The following CELSR1 variants were observed in gnomAD, a reference collection of about 807,000 sequenced individuals.
CELSR1 encodes the protein cadherin EGF LAG seven-pass G-type receptor 1.
In CELSR1, 110 loss-of-function variants were observed where a neutral mutation model predicts 249.1. The observed-to-expected ratio is 0.44, with a 90% confidence interval of 0.38 to 0.52. The LOEUF (loss-of-function observed/expected upper bound fraction) is 0.52, where lower values mean the gene tolerates loss of function less well. Among genes scored for constraint, CELSR1 ranks in the 20% least tolerant of loss-of-function variants. The pLI is 0.00. For missense variants in CELSR1, 4,109 were observed against 4,296.4 expected, an observed-to-expected ratio of 0.96 and a Z score of 1.22; for synonymous variants, 2,113 against 1,900.0, an observed-to-expected ratio of 1.11 and a Z score of -2.92.
intron 1 of CELSR1, among the ~76,000 whole-genome samples, chr22:46,495,126 G>C (rs1321044166): frequency 6.6e-6 from 1 of 152,084 alleles, no homozygotes; most frequent in Non-Finnish European, 1.5e-5. Flanking sequence ...CCTAGGCTTA[G>C]ACCCAGCTGG....
At chr22:46,501,006 A>T (rs566599040) in intron 1 of CELSR1, among the ~76,000 whole-genome samples, 2 of 150,130 alleles carry the variant, frequency 1.3e-5, no homozygotes, top group Non-Finnish European at 2.9e-5. Context: ...TTATTTATTT[A>T]TTTATTTTAT....
Position 46,464,233 on chromosome 22 carries a change from G to A in CELSR1, c.3657C>T (p.Phe1219=), listed in dbSNP as rs369760533. ...VRLENMSQEK[F]LSPLLALFVE... ...CGAAGAGGGCCAGCAGCGGGGACAG[G>A]AACTTCTCCTGGGACATGTTCTCCA... Residue 1219 remains phenylalanine, a synonymous_variant, in exon 2 of 35, where the codon TTC becomes TTT. Coordinates refer to ENST00000674500, the MANE Select transcript of CELSR1 (RefSeq NM_001378328.1). This position sits in a 1 kb window ranked among gnomAD's most constrained non-coding sequence, Gnocchi z 8.5. 44 of 1,613,664 alleles carry A rather than the reference G, an allele frequency of 2.7e-5. No homozygotes were observed. Among genetic ancestry groups the A allele is most frequent in the Non-Finnish European group, 3.7e-5 (44 of 1,180,040 alleles).
Position 46,526,837 on chromosome 22 carries a change from GCACA to G in CELSR1, c.3544+6786_3544+6789del, listed in dbSNP as rs1215610239. On this transcript the variant is annotated intron_variant, in intron 1 of 34. Transcript: ENST00000674500. The surrounding 1 kb of genome is among the most constrained non-coding windows in gnomAD (Gnocchi z 4.7). ...GAGCTGGTCTCCCCAGTCTGGACCT[GCACA>G]CACAATCAACTTCAGGACACTCTCA... Among the ~76,000 whole-genome samples the G allele has an allele frequency of 6.6e-6, 1 of 152,180 alleles. No homozygotes were observed. Among genetic ancestry groups the G allele is most frequent in the Non-Finnish European group, 1.5e-5 (1 of 68,034 alleles).
rs1018053433 is a variant in CELSR1, at chr22:46,408,509, A to G, written c.5226+487T>C. ...ACCAAGCCTGGCTAATTTTTTTTGT[A>G]TTTTTAGTAGAGATGGGGTTTCACC... is the stretch of plus-strand genomic sequence containing the variant. On this transcript the variant is annotated intron_variant, in intron 9 of 34. Transcript: ENST00000674500. The surrounding 1 kb of genome is among the most constrained non-coding windows in gnomAD (Gnocchi z 4.6). Among the ~76,000 whole-genome samples, 8 of 151,956 alleles carry G rather than the reference A, an allele frequency of 5.3e-5. No homozygotes were observed. The highest frequency in any genetic ancestry group is 2.0e-4 in the Admixed American group (3 of 15,270).
At chr22:46,385,753 C>T (rs2147234140) in intron 19 of CELSR1, among the ~76,000 whole-genome samples, 1 of 151,200 alleles carries the variant, frequency 6.6e-6, no homozygotes, top group African/African-American at 2.4e-5. Context: ...TCTCGGCTCA[C>T]TGCAAGCTCC....
rs1261596581 is a variant in CELSR1 at position 46,454,337 on chromosome 22, C to T, written c.4183+9370G>A. 6.6e-6 allele frequency among the ~76,000 whole-genome samples: 1 copy of T among 152,178 alleles called. No homozygotes were observed. The highest frequency in any genetic ancestry group is 1.5e-5 in the Non-Finnish European group (1 of 68,030). ...TCGTGTGTGGAAATGTTACAGCGGC[C>T]ACAGGAGACTCGTGCAGGGGTGAGC... is the stretch of plus-strand genomic sequence containing the variant. On this transcript the variant is annotated intron_variant, in intron 2 of 34. Coordinates refer to ENST00000674500, the MANE Select transcript of CELSR1 (RefSeq NM_001378328.1). This position sits in a 1 kb window ranked among gnomAD's most constrained non-coding sequence, Gnocchi z 5.1.
intron 13 of CELSR1, 27 bp from the exon 14 acceptor site, chr22:46,394,289 G>A (rs200068002): frequency 1.2e-6 from 2 of 1,605,352 alleles, no homozygotes; most frequent in Non-Finnish European, 1.7e-6. Context: ...AGGGCAGCTG[G>A]AAGGTTTATG....
chr22:46,508,094 G>T (rs1353789986), intron 1 of CELSR1, among the ~76,000 whole-genome samples: 1 of 152,078 alleles, frequency 6.6e-6, no homozygotes, highest in African/African-American at 2.4e-5. Flanking sequence ...CCATAAACCG[G>T]CACAGCCTGT....
chr22:46,463,409 G>C (rs769907556), intron 2 of CELSR1, among the ~76,000 whole-genome samples: 1 of 152,136 alleles, frequency 6.6e-6, no homozygotes, highest in Non-Finnish European at 1.5e-5. Flanking sequence ...CCAGCTACTC[G>C]GGAGGCTGAG....
At chr22:46,491,504 C>A (rs540025689) in intron 1 of CELSR1, among the ~76,000 whole-genome samples, 4 of 151,830 alleles carry the variant, frequency 2.6e-5, no homozygotes, top group African/African-American at 9.7e-5. Flanking sequence ...ACCTTGTGAT[C>A]TGCCCACTTC....
chr22:46,490,679 G>T lies in CELSR1; in HGVS notation c.3545-26334C>A, dbSNP rs2080358916. ...GCGCCACAGCTGCAGACTCAGGAAA[G>T]TGGTGGGTGTGCGGGGACACTTTAA... On this transcript the variant is annotated intron_variant, in intron 1 of 34. Coordinates refer to ENST00000674500, the MANE Select transcript of CELSR1 (RefSeq NM_001378328.1). This position sits in a 1 kb window ranked among gnomAD's most constrained non-coding sequence, Gnocchi z 5.2. 6.6e-6 allele frequency among the ~76,000 whole-genome samples: 1 copy of T among 152,084 alleles called. No homozygotes were observed. The highest frequency in any genetic ancestry group is 2.4e-5 in the African/African-American group (1 of 41,394).
intron 1 of CELSR1, among the ~76,000 whole-genome samples, chr22:46,502,582 T>G (rs2080477644): frequency 6.6e-6 from 1 of 152,036 alleles, no homozygotes; most frequent in African/African-American, 2.4e-5. Flanking sequence ...TCAAAGTCAC[T>G]AGTGACAAAG....
In CELSR1 at chr22:46,386,274, A is replaced by T. The variant is rs190645310; in HGVS notation, c.6739+128T>A. The T allele has an allele frequency of 1.7e-5, 19 of 1,091,090 alleles. No homozygotes were observed. The East Asian group carries it at 3.8e-4, about 22-fold the overall frequency. 67.6% of individuals were successfully genotyped at this position (1,091,090 alleles called of 1,614,324 possible). On this transcript the variant is annotated intron_variant, in intron 19 of 34. Coordinates refer to ENST00000674500, the MANE Select transcript of CELSR1 (RefSeq NM_001378328.1). The stretch of plus-strand genomic sequence containing the variant: ...TATGAGCCACTGTGCCCGGCCTCAC[A>T]ATCATTTTTCTAAGAGCATGGCCAA...
chr22:46,507,447 C>A (rs1039205552), intron 1 of CELSR1, among the ~76,000 whole-genome samples: 1 of 152,070 alleles, frequency 6.6e-6, no homozygotes, highest in Non-Finnish European at 1.5e-5. Flanking sequence ...GCAGCTGCAG[C>A]GTACTCCAGC....
chr22:46,489,736 A>G (rs1245702605), intron 1 of CELSR1, among the ~76,000 whole-genome samples: 1 of 151,944 alleles, frequency 6.6e-6, no homozygotes, highest in Non-Finnish European at 1.5e-5. Flanking sequence ...AACATGGTGA[A>G]ACCCCATCTC....
chr22:46,453,971 C>T (rs906001473), intron 2 of CELSR1, among the ~76,000 whole-genome samples: 2 of 152,208 alleles, frequency 1.3e-5, no homozygotes, highest in Admixed American at 1.3e-4. Flanking sequence ...TCTCTGAAAG[C>T]CAAGGATGTG....
rs139272252 is a variant in CELSR1, at chr22:46,439,392, A to G, written c.4203T>C (p.Asp1401=). 2.0e-4 allele frequency: 328 copies of G among 1,613,208 alleles called. 2 individuals carry two copies. In the East Asian group the frequency reaches 6.3e-3, roughly 31 times the overall value. ...EDFTGEHCEV[D]ARSGRCANGV... ...CGTTGGCACAGCGGCCTGAGCGGGC[A>G]TCCACCTCACAGTGCTCTCCTGGGG... Residue 1401 remains aspartate, a synonymous_variant, in exon 3 of 35, where the codon GAT becomes GAC. Coordinates refer to ENST00000674500, the MANE Select transcript of CELSR1 (RefSeq NM_001378328.1).
In CELSR1 at chr22:46,380,847, G is replaced by A. The variant is rs372132466; in HGVS notation, c.7197C>T (p.Ala2399=). 13 of 1,612,218 alleles carry A rather than the reference G, an allele frequency of 8.1e-6. No homozygotes were observed. The highest frequency in any genetic ancestry group is 1.1e-5 in the Non-Finnish European group (13 of 1,179,834). ...TGGTTCGCTCCTCCACCTCCAGCAG[G>A]GCGAACTCCACCAGGACGGGCCTCT... ...PLERPVLVEF[A]LLEVEERTKP... The change falls in exon 22 of 35, where the codon GCC becomes GCT. Residue 2399 remains alanine (A), a synonymous_variant. Coordinates refer to ENST00000674500, the MANE Select transcript of CELSR1 (RefSeq NM_001378328.1). This position sits in a 1 kb window ranked among gnomAD's most constrained non-coding sequence, Gnocchi z 5.1.
rs1466326658 is a variant in CELSR1, at chr22:46,517,731, T to C, written c.3544+15896A>G. Among the ~76,000 whole-genome samples the C allele has an allele frequency of 6.6e-6, 1 of 152,146 alleles. No individual in the cohort carries two copies. Among genetic ancestry groups the C allele is most frequent in the African/African-American group, 2.4e-5 (1 of 41,420 alleles). On this transcript the variant is annotated intron_variant, in intron 1 of 34. Coordinates refer to ENST00000674500, the MANE Select transcript of CELSR1 (RefSeq NM_001378328.1). This position sits in a 1 kb window ranked among gnomAD's most constrained non-coding sequence, Gnocchi z 5.4. The stretch of plus-strand genomic sequence containing the variant: ...AATTGGGAGAACTTGCGATTATGTG[T>C]TAGAATTTTCCATGCTTAGAAGCGA...
Sources: gnomAD v4.1 joint callset for allele counts (sites outside exome capture counted in the v4.1 genomes callset) on GRCh38, gnomAD v4.1.1 for gene constraint, Gnocchi (gnomAD v3.1) non-coding constraint, MANE v1.5 for transcripts, NCBI Gene and HGNC (gene_info 2026-07-23, HGNC 2026-07-21) for gene names.